Variants in MAML2 observed in about 807,000 individuals in gnomAD.
MAML2 encodes mastermind-like protein 2.
MAML2 carries 22 observed loss-of-function variants against 96.1 expected under a neutral mutation model. The observed-to-expected ratio is 0.23, with a 90% CI of 0.16 to 0.33. The LOEUF (loss-of-function observed/expected upper bound fraction) is 0.33, where lower values mean the gene tolerates loss of function less well. Ranked by LOEUF, MAML2 falls within the 10% of genes least tolerant of loss-of-function variation. The probability of loss-of-function intolerance (pLI) is 1.00; values close to 1 mark genes in which losing one functional copy is unlikely to be tolerated. For missense variants in MAML2, 1,367 were observed against 1,392.4 expected, an observed-to-expected ratio of 0.98 and a Z score of 0.29; for synonymous variants, 561 against 521.3, an observed-to-expected ratio of 1.08 and a Z score of -1.04.
rs116824020 is a variant in MAML2, at chr11:95,977,648, A to G, written c.*1300T>C. 1.3e-3 allele frequency: 271 copies of G among 216,362 alleles called. No homozygotes were observed. Among genetic ancestry groups the G allele is most frequent in the African/African-American group, 5.8e-3 (255 of 44,332 alleles). The allele number at this position is 216,362 out of a possible 1,614,324, so 13.4% of individuals were successfully genotyped here. A position where few individuals can be genotyped will look rare whatever the true frequency, so the allele number is the denominator to read the frequency against. On this transcript the variant is annotated 3_prime_UTR_variant, in exon 5 of 5. Coordinates refer to ENST00000524717, the MANE Select transcript of MAML2 (RefSeq NM_032427.4). ...TACAGCTGATCTGGATGTGGACACTAAGGTTAAATGACTCAACAAAAACTC... is the reference window on the plus strand; with the variant it reads ...TACAGCTGATCTGGATGTGGACACTGAGGTTAAATGACTCAACAAAAACTC...
intron 1 of MAML2, among the ~76,000 whole-genome samples, chr11:96,341,033 G>T (rs2136024228): frequency 6.6e-6 from 1 of 152,268 alleles, no homozygotes; most frequent in East Asian, 1.9e-4. Context: ...GAGCTGGCTG[G>T]CCAAAGCTGG....
At chr11:96,289,613 G>T (rs1163445253) in intron 1 of MAML2, among the ~76,000 whole-genome samples, 1 of 152,040 alleles carries the variant, frequency 6.6e-6, no homozygotes, top group African/African-American at 2.4e-5. Flanking sequence ...TCTTGCTCTG[G>T]GTATTTATTT....
intron 1 of MAML2, among the ~76,000 whole-genome samples, chr11:96,197,916 G>C (rs1861754639): frequency 6.6e-6 from 1 of 152,190 alleles, no homozygotes; most frequent in Non-Finnish European, 1.5e-5. Flanking sequence ...TGTTCTAAAA[G>C]AGGGAACAAC....
chr11:96,276,995 C>A (rs940079371), intron 1 of MAML2, among the ~76,000 whole-genome samples: 1 of 152,018 alleles, frequency 6.6e-6, no homozygotes, highest in East Asian at 1.9e-4. Context: ...AAGCCGAGTG[C>A]GGCAGGCCTC....
At chr11:96,276,995 C>T (rs940079371) in intron 1 of MAML2, among the ~76,000 whole-genome samples, 2 of 152,018 alleles carry the variant, frequency 1.3e-5, no homozygotes, top group African/African-American at 2.4e-5. Context: ...AAGCCGAGTG[C>T]GGCAGGCCTC....
intron 1 of MAML2, among the ~76,000 whole-genome samples, chr11:96,167,785 G>C (rs1425834098): frequency 6.6e-6 from 1 of 152,174 alleles, no homozygotes; most frequent in Admixed American, 6.5e-5. Flanking sequence ...TACTGTGCTA[G>C]AAGAAGCTAA....
intron 1 of MAML2, among the ~76,000 whole-genome samples, chr11:96,114,093 A>T (rs768388370): frequency 4.0e-4 from 61 of 151,906 alleles, no homozygotes; most frequent in Non-Finnish European, 5.2e-4. Context: ...AATTTGTTAA[A>T]TTTTTTTCAA....
intron 1 of MAML2, among the ~76,000 whole-genome samples, chr11:96,229,129 A>G (rs897276541): frequency 6.6e-6 from 1 of 152,176 alleles, no homozygotes; most frequent in African/African-American, 2.4e-5. Flanking sequence ...TTCTTACCAA[A>G]TAACTTAAGA....
At chr11:95,988,543 T>C (rs1158638465) in intron 3 of MAML2, among the ~76,000 whole-genome samples, 8 of 147,674 alleles carry the variant, frequency 5.4e-5, no homozygotes. Context: ...TTATAGTATA[T>C]ATATTTATAT....
chr11:96,286,761 G>A (rs1305422752), intron 1 of MAML2, among the ~76,000 whole-genome samples: 5 of 152,002 alleles, frequency 3.3e-5, no homozygotes, highest in Non-Finnish European at 7.4e-5. Flanking sequence ...AAATGTATAT[G>A]TGGAGAGGAT....
intron 1 of MAML2, among the ~76,000 whole-genome samples, chr11:96,104,841 A>G (rs7108077): frequency 0.33 from 49,484 of 151,372 alleles, 8,379 homozygotes; most frequent in Middle Eastern, 0.45. Context: ...GAGAGGGGCA[A>G]TGAAAGGGGG....
At chr11:96,189,459 C>T (rs948642625) in intron 1 of MAML2, among the ~76,000 whole-genome samples, 11 of 152,186 alleles carry the variant, frequency 7.2e-5, no homozygotes, top group African/African-American at 2.7e-4. Flanking sequence ...CTGAAATAAG[C>T]TTAAACACTA....
At chr11:96,073,184 T>A (rs1282964759) in intron 2 of MAML2, among the ~76,000 whole-genome samples, 1 of 152,242 alleles carries the variant, frequency 6.6e-6, no homozygotes, top group East Asian at 1.9e-4. Context: ...ATCTTTTACT[T>A]GTGAGTTTTG....
chr11:96,212,147 G>A lies in MAML2; in HGVS notation c.514-118630C>T, dbSNP rs983943764. Among the ~76,000 whole-genome samples, 12 of 139,248 alleles carry A rather than the reference G, an allele frequency of 8.6e-5. No homozygotes were observed. In the South Asian group the frequency reaches 2.0e-3, roughly 24 times the overall value. The allele number at this position is 139,248 out of a possible 152,430, so 91.4% of individuals were successfully genotyped here. A position where few individuals can be genotyped will look rare whatever the true frequency, so the allele number is the denominator to read the frequency against. Reference sequence around the variant, plus strand: ...TGTGTGTGTGTGTGTGTGTGTGTGTGTGTGGAAGGGGGACTCGTAATCTCA... The same window carrying A: ...TGTGTGTGTGTGTGTGTGTGTGTGTATGTGGAAGGGGGACTCGTAATCTCA... On this transcript the variant is annotated intron_variant, in intron 1 of 4. Coordinates refer to ENST00000524717, the MANE Select transcript of MAML2 (RefSeq NM_032427.4).
chr11:95,980,949 C>T (rs3905431), intron 4 of MAML2, among the ~76,000 whole-genome samples: 27,005 of 152,056 alleles, frequency 0.18, 3,848 homozygotes, highest in African/African-American at 0.39. Context: ...AGACCGCTTC[C>T]GACTGACTCT....
At chr11:96,031,824 A>C (rs1858619587) in intron 2 of MAML2, among the ~76,000 whole-genome samples, 1 of 152,014 alleles carries the variant, frequency 6.6e-6, no homozygotes, top group African/African-American at 2.4e-5. Context: ...TCTCTACTAA[A>C]AATACAAAAA....
intron 1 of MAML2, among the ~76,000 whole-genome samples, chr11:96,320,793 G>A (rs543646299): frequency 6.6e-6 from 1 of 152,258 alleles, no homozygotes; most frequent in African/African-American, 2.4e-5. Context: ...GTCTTTGAAA[G>A]TACTTGAAAT....
intron 1 of MAML2, among the ~76,000 whole-genome samples, chr11:96,146,053 A>T (rs952492254): frequency 6.7e-6 from 1 of 149,192 alleles, no homozygotes; most frequent in Non-Finnish European, 1.5e-5. Context: ...CCACACACAA[A>T]CATTGTGACA....
intron 2 of MAML2, among the ~76,000 whole-genome samples, chr11:96,052,376 G>A (rs1002510831): frequency 2.0e-5 from 3 of 152,078 alleles, no homozygotes; most frequent in Admixed American, 6.6e-5. Context: ...CCCCAGAAAG[G>A]GGACTGTTTT....
Sources: allele counts gnomAD v4.1 joint callset (sites outside exome capture counted in the v4.1 genomes callset), GRCh38; gene constraint gnomAD v4.1.1; transcripts MANE v1.5; gene names NCBI Gene and HGNC (gene_info 2026-07-23, HGNC 2026-07-21).